NAV1: variants seen among roughly 807,000 people sequenced by gnomAD.
The protein encoded by NAV1 is pore membrane and/or filament interacting like protein 3.
In NAV1, 18 loss-of-function variants were observed where a neutral mutation model predicts 175.2. The observed-to-expected ratio is 0.10, with a 90% CI of 0.07 to 0.15. NAV1 has a LOEUF of 0.15. Ranked by LOEUF, NAV1 falls within the 10% of genes least tolerant of loss-of-function variation. The pLI is 1.00. For synonymous variants in NAV1, 897 were observed against 978.7 expected (o/e 0.92, Z 1.56); for missense variants, 1,731 against 2,436.6 (o/e 0.71, Z 6.10).
At chr1:201,606,087 T>C (rs1379287797) in intron 2 of NAV1, among the ~76,000 whole-genome samples, 1 of 152,184 alleles carries the variant, frequency 6.6e-6, no homozygotes, top group Non-Finnish European at 1.5e-5. Flanking sequence ...CTGACATATA[T>C]TCACCACATG....
At chr1:201,553,080 G>T (rs1665910157) in intron 1 of NAV1, among the ~76,000 whole-genome samples, 1 of 152,220 alleles carries the variant, frequency 6.6e-6, no homozygotes. Context: ...ATTGTAAATA[G>T]CACCCGCTTG....
At position 201,802,457 on chromosome 1, in the gene NAV1, T is replaced by TAAAAAAA. The variant is rs34494216; in HGVS notation, c.3518-1123_3518-1117dup. Reference sequence around the variant, plus strand: ...GCAACACAGCAAGACCCTGTCTCATTAAAAAAAAAAAAAAAAAAAGAAAGA... The same window carrying TAAAAAAA: ...GCAACACAGCAAGACCCTGTCTCATTAAAAAAAAAAAAAAAAAAAAAAAAAAGAAAGA... On this transcript the variant is annotated intron_variant, in intron 15 of 29. Transcript: ENST00000367296. Among the ~76,000 whole-genome samples, 183 of 101,046 alleles carry TAAAAAAA rather than the reference T, an allele frequency of 1.8e-3. 3 individuals carry two copies. Among genetic ancestry groups the TAAAAAAA allele is most frequent in the African/African-American group, 6.5e-3 (160 of 24,518 alleles). 66.3% of individuals were successfully genotyped at this position (101,046 alleles called of 152,430 possible).
At chr1:201,556,998 T>C (rs1417987543) in intron 1 of NAV1, among the ~76,000 whole-genome samples, 2 of 152,284 alleles carry the variant, frequency 1.3e-5, no homozygotes, top group East Asian at 3.9e-4. Context: ...CCGGGAACCC[T>C]GACTCCATGA....
intron 2 of NAV1, among the ~76,000 whole-genome samples, chr1:201,615,455 G>A (rs1487402723): frequency 1.6e-4 from 24 of 152,064 alleles, no homozygotes; most frequent in Non-Finnish European, 2.9e-5. Context: ...AGTAGAGATG[G>A]GGTTTCACCA....
chr1:201,790,905 A>C (rs1027519915), intron 13 of NAV1, 139 bp downstream of exon 17: 1 of 722,268 alleles, frequency 1.4e-6, no homozygotes, highest in Non-Finnish European at 2.3e-6. Context: ...TCACAGCTCT[A>C]TGATAGAAGA....
chr1:201,647,188 G>A (rs1669003975), upstream of NAV1, among the ~76,000 whole-genome samples: 1 of 152,178 alleles, frequency 6.6e-6, no homozygotes, highest in African/African-American at 2.4e-5. Flanking sequence ...GACTTGGGAG[G>A]CCATTTGAGG....
At chr1:201,616,835 C>T (rs894912162) in intron 2 of NAV1, among the ~76,000 whole-genome samples, 3 of 152,150 alleles carry the variant, frequency 2.0e-5, no homozygotes, top group Non-Finnish European at 2.9e-5. Context: ...TTACTTGTCA[C>T]GAGTGTGCAT....
chr1:201,569,979 T>C (rs539904292), intron 1 of NAV1, among the ~76,000 whole-genome samples: 77 of 152,334 alleles, frequency 5.1e-4, no homozygotes, highest in African/African-American at 1.8e-3. Context: ...CTCCTGGGGT[T>C]ATTGTGAGGA....
intron 1 of NAV1, among the ~76,000 whole-genome samples, chr1:201,668,091 C>G (rs1274218660): frequency 6.6e-6 from 1 of 152,178 alleles, no homozygotes; most frequent in Admixed American, 6.5e-5. Context: ...CCGGGACTGC[C>G]TCAGGTTTCC....
intron 1 of NAV1, among the ~76,000 whole-genome samples, chr1:201,560,959 G>A (rs73082537): frequency 0.028 from 4,252 of 152,346 alleles, 202 homozygotes; most frequent in African/African-American, 0.097. Context: ...CACCACCACA[G>A]GCTTTCCAGT....
At chr1:201,544,552 C>A (rs1036795721) in intron 1 of NAV1, among the ~76,000 whole-genome samples, 30 of 152,290 alleles carry the variant, frequency 2.0e-4, no homozygotes, top group Admixed American at 1.5e-3. Flanking sequence ...CTGGGGCATT[C>A]CTGCAACACT....
rs574744970 is a variant in NAV1, at chr1:201,734,669, T to C, written c.1226+15914T>C. On this transcript the variant is annotated intron_variant, in intron 3 of 29. Coordinates refer to ENST00000367296, the Ensembl canonical transcript of NAV1. Reference sequence around the variant, plus strand: ...TAAGCTGATCTGAAATGATTGCTCCTGGCCTCTCGAGGTGGAGGGTTTGTA... The same window carrying C: ...TAAGCTGATCTGAAATGATTGCTCCCGGCCTCTCGAGGTGGAGGGTTTGTA... Among the ~76,000 whole-genome samples the C allele has an allele frequency of 2.8e-4, 43 of 152,164 alleles. No individual in the cohort carries two copies. The South Asian group carries it at 8.9e-3, about 32-fold the overall frequency.
intron 3 of NAV1, among the ~76,000 whole-genome samples, chr1:201,741,287 C>G (rs545050644): frequency 1.1e-4 from 17 of 152,318 alleles, no homozygotes; most frequent in Admixed American, 9.1e-4. Flanking sequence ...TGACTCCAAA[C>G]TTTTTTCCCC....
At chr1:201,680,753 A>G (rs558760495) in intron 1 of NAV1, among the ~76,000 whole-genome samples, 2 of 152,198 alleles carry the variant, frequency 1.3e-5, no homozygotes, top group South Asian at 4.2e-4. Context: ...AATTAAATTT[A>G]TTTTGTTGCA....
intron 1 of NAV1, among the ~76,000 whole-genome samples, chr1:201,570,802 G>T (rs925224796): frequency 2.0e-5 from 3 of 152,182 alleles, no homozygotes; most frequent in African/African-American, 7.2e-5. Flanking sequence ...AGAAGTCCAG[G>T]TCTAGGAAGA....
intron 3 of NAV1, among the ~76,000 whole-genome samples, chr1:201,732,820 C>T (rs905073931): frequency 6.6e-6 from 1 of 152,172 alleles, no homozygotes; most frequent in African/African-American, 2.4e-5. Context: ...CCTGTAATCC[C>T]AGCACTTTGG....
At chr1:201,584,754 C>T (rs1006915813) in intron 1 of NAV1, among the ~76,000 whole-genome samples, 15 of 152,240 alleles carry the variant, frequency 9.9e-5, no homozygotes, top group Non-Finnish European at 1.6e-4. Flanking sequence ...AGATGCTCCA[C>T]CAAGGCCTGG....
At chr1:201,652,903 G>A (rs755294324) in intron 1 of NAV1, among the ~76,000 whole-genome samples, 4 of 152,166 alleles carry the variant, frequency 2.6e-5, no homozygotes, top group Admixed American at 2.0e-4. Flanking sequence ...CGTACCGAAC[G>A]TCACAGCTCA....
In NAV1 at chr1:201,687,481, C is replaced by T. The variant is rs116725935; in HGVS notation, c.758-25336C>T. Among the ~76,000 whole-genome samples, 660 of 152,308 alleles carry T rather than the reference C, an allele frequency of 4.3e-3. 5 individuals are homozygous for T. The highest frequency in any genetic ancestry group is 0.015 in the African/African-American group (626 of 41,560). On this transcript the variant is annotated intron_variant, in intron 1 of 29. Transcript: ENST00000367296. ...CTTATGATAATAATACCAACAATAA[C>T]AACTATGATATGAGTGCCTGCCAGA...
Sources: allele counts gnomAD v4.1 joint callset (sites outside exome capture counted in the v4.1 genomes callset), GRCh38; gene constraint gnomAD v4.1.1; transcripts MANE v1.5; gene names NCBI Gene and HGNC (gene_info 2026-07-23, HGNC 2026-07-21).